SLC10A7: variants seen among roughly 807,000 people sequenced by gnomAD.
SLC10A7 encodes the protein sodium/bile acid cotransporter 7.
SLC10A7 carries 29 observed loss-of-function variants against 43.2 expected under a neutral mutation model. That is an observed-to-expected ratio of 0.67 (90% confidence interval 0.50 to 0.92). The LOEUF (loss-of-function observed/expected upper bound fraction) is 0.92, where lower values mean the gene tolerates loss of function less well. Ranked by LOEUF, SLC10A7 falls within the 40% of genes least tolerant of loss-of-function variation. SLC10A7 has a pLI of 0.00. For missense variants in SLC10A7, 295 were observed against 403.2 expected (o/e 0.73, Z 2.30); for synonymous variants, 152 against 144.8 (o/e 1.05, Z -0.35).
At chr4:146,280,049 G>A (rs1578770893) in intron 10 of SLC10A7, among the ~76,000 whole-genome samples, 1 of 152,006 alleles carries the variant, frequency 6.6e-6, no homozygotes, top group Non-Finnish European at 1.5e-5. Flanking sequence ...TTCATGTTTG[G>A]TTTATTAGTT....
intron 4 of SLC10A7, among the ~76,000 whole-genome samples, chr4:146,446,393 A>C (rs960301428): frequency 1.3e-5 from 2 of 152,002 alleles, no homozygotes; most frequent in African/African-American, 4.8e-5. Flanking sequence ...CCTGGCCAAC[A>C]TGGTGAAACC....
At chr4:146,499,301 G>T (rs979827741) in intron 4 of SLC10A7, among the ~76,000 whole-genome samples, 1 of 152,100 alleles carries the variant, frequency 6.6e-6, no homozygotes, top group Non-Finnish European at 1.5e-5. Context: ...GTACAGAGCC[G>T]CTACATGCAA....
intron 8 of SLC10A7, 53 bp downstream of exon 8, chr4:146,293,877 G>A (rs1035804634): frequency 6.8e-6 from 9 of 1,320,354 alleles, no homozygotes; most frequent in Non-Finnish European, 5.4e-6. Context: ...AGTGCTACGC[G>A]TTGCTATTGA....
At chr4:146,272,762 G>A (rs1163707950) in intron 10 of SLC10A7, among the ~76,000 whole-genome samples, 1 of 152,156 alleles carries the variant, frequency 6.6e-6, no homozygotes, top group Non-Finnish European at 1.5e-5. Context: ...CAGTAAATGA[G>A]TGTTGTTTTG....
chr4:146,508,552 T>C (rs1737143082), intron 3 of SLC10A7, among the ~76,000 whole-genome samples: 4 of 152,182 alleles, frequency 2.6e-5, no homozygotes, highest in African/African-American at 9.7e-5. Flanking sequence ...CTTAAGTAAA[T>C]GATGCTACCA....
intron 1 of SLC10A7, among the ~76,000 whole-genome samples, chr4:146,521,313 T>G (rs1220273869): frequency 6.6e-6 from 1 of 152,058 alleles, no homozygotes; most frequent in African/African-American, 2.4e-5. Context: ...TCCCTTGGGA[T>G]AGGATGCTAC....
At chr4:146,318,957 C>A (rs773311907) in intron 6 of SLC10A7, among the ~76,000 whole-genome samples, 7 of 152,082 alleles carry the variant, frequency 4.6e-5, no homozygotes, top group Non-Finnish European at 7.4e-5. Flanking sequence ...TCCAAGCTAA[C>A]AGGATCACTT....
chr4:146,360,707 T>G (rs1735984512), intron 5 of SLC10A7, among the ~76,000 whole-genome samples: 1 of 152,156 alleles, frequency 6.6e-6, no homozygotes, highest in African/African-American at 2.4e-5. Flanking sequence ...TCCTCTCTCC[T>G]CAGACTCCCA....
chr4:146,446,136 C>A (rs573274777), intron 4 of SLC10A7, among the ~76,000 whole-genome samples: 1 of 152,216 alleles, frequency 6.6e-6, no homozygotes, highest in African/African-American at 2.4e-5. Context: ...CCTATCACTT[C>A]CAAGAAGTTT....
intron 1 of SLC10A7, among the ~76,000 whole-genome samples, chr4:146,520,086 G>A (rs1738479754): frequency 1.3e-5 from 2 of 152,172 alleles, no homozygotes; most frequent in South Asian, 2.1e-4. Context: ...AGGAATGCAA[G>A]GTAAAAGATA....
At chr4:146,480,148 TACC>T (rs1285146923) in intron 4 of SLC10A7, among the ~76,000 whole-genome samples, 1 of 152,136 alleles carries the variant, frequency 6.6e-6, no homozygotes, top group African/African-American at 2.4e-5. Context: ...TTTTTTATAA[TACC>T]ACATTGTTGT....
chr4:146,448,497 CATT>C lies in SLC10A7; in HGVS notation c.397-5679_397-5677del, dbSNP rs759577126. Among the ~76,000 whole-genome samples the C allele has an allele frequency of 9.9e-5, 15 of 152,118 alleles. No homozygotes were observed. In the East Asian group the frequency reaches 2.3e-3, roughly 23 times the overall value. On this transcript the variant is annotated intron_variant, in intron 4 of 11. Coordinates refer to ENST00000335472, the MANE Select transcript of SLC10A7 (RefSeq NM_001029998.6). ...CTCCTACCCAAGTCTTCTCTTATGA[CATT>C]ATATCAAAAATTTTCATAATGCTGG...
intron 5 of SLC10A7, among the ~76,000 whole-genome samples, chr4:146,408,338 A>G (rs1455515822): frequency 1.3e-5 from 2 of 152,064 alleles, no homozygotes; most frequent in Non-Finnish European, 2.9e-5. Context: ...GCCTGAGCTC[A>G]GGAGTTTGAG....
In SLC10A7 at chr4:146,316,492, C is replaced by T. The variant is rs538042345; in HGVS notation, c.471+9469G>A. On this transcript the variant is annotated intron_variant, in intron 6 of 11. Transcript: ENST00000335472. Reference sequence around the variant, plus strand: ...TGTGAGGACACAGCAAAAAAGCAGCCATCTATGACCCAGAAAGCAGGCCTT... The same window carrying T: ...TGTGAGGACACAGCAAAAAAGCAGCTATCTATGACCCAGAAAGCAGGCCTT... 2.0e-5 allele frequency among the ~76,000 whole-genome samples: 3 copies of T among 152,118 alleles called. No individual in the cohort carries two copies. In the South Asian group the frequency reaches 6.2e-4, roughly 32 times the overall value.
chr4:146,322,923 A>G (rs548496918), intron 6 of SLC10A7, among the ~76,000 whole-genome samples: 10 of 152,138 alleles, frequency 6.6e-5, no homozygotes, highest in African/African-American at 2.4e-4. Flanking sequence ...TCTAACTGGT[A>G]TGAGATGGTA....
Position 146,373,759 on chromosome 4 carries a change from T to G in SLC10A7, c.436-47763A>C, listed in dbSNP as rs139812539. The stretch of plus-strand genomic sequence containing the variant: ...CACCAGAATCTTAATTTAATCAGTC[T>G]GGAGTGGGGCCCACATATGAATGAT... On this transcript the variant is annotated intron_variant, in intron 5 of 11. Transcript: ENST00000335472. Among the ~76,000 whole-genome samples the G allele has an allele frequency of 1.8e-4, 27 of 152,290 alleles. No individual in the cohort carries two copies. The East Asian group carries it at 5.2e-3, about 29-fold the overall frequency.
intron 1 of SLC10A7, among the ~76,000 whole-genome samples, chr4:146,520,205 G>A (rs1018944412): frequency 1.3e-5 from 2 of 152,238 alleles, no homozygotes. Flanking sequence ...GCGATAGCTA[G>A]TGAAGTGTGC....
chr4:146,303,542 C>T (rs4240333), intron 7 of SLC10A7, among the ~76,000 whole-genome samples: 106,693 of 151,570 alleles, frequency 0.7, 37,742 homozygotes, highest in African/African-American at 0.75. Context: ...CACACCCAGC[C>T]AATTTTTTTG....
chr4:146,469,913 C>T (rs1733407503), intron 4 of SLC10A7, among the ~76,000 whole-genome samples: 1 of 152,140 alleles, frequency 6.6e-6, no homozygotes, highest in Non-Finnish European at 1.5e-5. Context: ...GGATTACAGA[C>T]ATGAGTCACC....
Sources: gnomAD v4.1 joint callset for allele counts (sites outside exome capture counted in the v4.1 genomes callset) on GRCh38, gnomAD v4.1.1 for gene constraint, MANE v1.5 for transcripts, NCBI Gene and HGNC (gene_info 2026-07-23, HGNC 2026-07-21) for gene names.